The following TRAF3 variants were observed in gnomAD, a reference collection of about 807,000 sequenced individuals.
The protein encoded by TRAF3 is TNF receptor-associated factor 3.
TRAF3 carries 13 observed loss-of-function variants against 62.3 expected under a neutral mutation model. The observed-to-expected ratio is 0.21, with a 90% CI of 0.14 to 0.33. The LOEUF (loss-of-function observed/expected upper bound fraction) is 0.33. Ranked by LOEUF, TRAF3 falls within the 10% of genes least tolerant of loss-of-function variation. The pLI, the probability that TRAF3 is intolerant of heterozygous loss-of-function variation, is 1.00. For missense variants in TRAF3, 440 were observed against 741.8 expected (o/e 0.59, Z 4.73); for synonymous variants, 269 against 283.4 (o/e 0.95, Z 0.51).
chr14:102,890,020 G>A (rs1018845036), intron 8 of TRAF3, among the ~76,000 whole-genome samples: 1 of 152,256 alleles, frequency 6.6e-6, no homozygotes, highest in Non-Finnish European at 1.5e-5. Flanking sequence ...GTGTGTGTCA[G>A]TACACAGCCA....
intron 2 of TRAF3, among the ~76,000 whole-genome samples, chr14:102,837,769 A>T (rs1258378946): frequency 2.0e-5 from 3 of 152,208 alleles, no homozygotes; most frequent in African/African-American, 7.2e-5. Context: ...GCAGGGTTTG[A>T]ATTGACAGTT....
At chr14:102,853,953 G>A (rs1887208102) in intron 2 of TRAF3, among the ~76,000 whole-genome samples, 1 of 151,876 alleles carries the variant, frequency 6.6e-6, no homozygotes. Context: ...TTCTTCGCTT[G>A]CCCCAGCCTC....
intron 2 of TRAF3, among the ~76,000 whole-genome samples, chr14:102,837,243 A>G (rs148360777): frequency 3.2e-4 from 49 of 151,526 alleles, no homozygotes; most frequent in African/African-American, 9.7e-4. Flanking sequence ...GACTTAAGCC[A>G]TCCTCCCGCC....
chr14:102,781,820 T>G (rs1595273546), intron 1 of TRAF3, among the ~76,000 whole-genome samples: 2 of 134,384 alleles, frequency 1.5e-5, no homozygotes, highest in African/African-American at 5.8e-5. Flanking sequence ...TGAGACAGAG[T>G]CTCACTCTGT....
intron 9 of TRAF3, chr14:102,895,070 C>G: frequency 4.4e-6 from 2 of 455,298 alleles, no homozygotes; most frequent in South Asian, 3.1e-5. Context: ...CATCTTTTTG[C>G]AGGGATATGA....
intron 2 of TRAF3, among the ~76,000 whole-genome samples, chr14:102,857,346 C>T (rs1887431645): frequency 6.6e-6 from 1 of 152,190 alleles, no homozygotes; most frequent in Non-Finnish European, 1.5e-5. Flanking sequence ...TTTTCTCTCT[C>T]CGGTCTCCCA....
chr14:102,897,374 T>C lies in TRAF3; in HGVS notation c.933T>C (p.Asn311=), dbSNP rs780127114. Residue 311 remains asparagine, a synonymous_variant, in exon 10 of 12, where the codon AAT becomes AAC. Transcript: ENST00000392745. ...AGAGACAAAAGGAAATGCTTCGAAA[T>C]AATGAATCCAAAATCCTTCATTTAC... The part of the protein sequence containing the change: ...EIERQKEMLR[N]NESKILHLQR... The C allele has an allele frequency of 4.4e-5, 71 of 1,613,984 alleles. No individual in the cohort carries two copies. The South Asian group carries it at 7.2e-4, about 16-fold the overall frequency.
At chr14:102,872,774 C>G (rs974656752) in intron 4 of TRAF3, among the ~76,000 whole-genome samples, 4 of 152,112 alleles carry the variant, frequency 2.6e-5, no homozygotes, top group African/African-American at 9.7e-5. Flanking sequence ...TCGCTGCAGC[C>G]TCCACCTCCC....
intron 2 of TRAF3, among the ~76,000 whole-genome samples, chr14:102,834,699 A>AAAAG (rs1885877983): frequency 1.3e-5 from 2 of 150,540 alleles, no homozygotes; most frequent in African/African-American, 4.9e-5. Context: ...AAAAAAAAAA[A>AAAAG]AAAAAAAAGA....
chr14:102,865,351 G>A (rs1887920251), intron 2 of TRAF3, among the ~76,000 whole-genome samples: 1 of 152,178 alleles, frequency 6.6e-6, no homozygotes, highest in South Asian at 2.1e-4. Context: ...AGCAATGTCT[G>A]TCAATTTGAC....
At chr14:102,834,254 C>T (rs1456055965) in intron 2 of TRAF3, among the ~76,000 whole-genome samples, 1 of 151,990 alleles carries the variant, frequency 6.6e-6, no homozygotes, top group Non-Finnish European at 1.5e-5. Flanking sequence ...AAAGCAGACA[C>T]GAATGGAACA....
At chr14:102,796,457 C>A (rs1347104979) in intron 1 of TRAF3, among the ~76,000 whole-genome samples, 4 of 152,216 alleles carry the variant, frequency 2.6e-5, no homozygotes, top group Non-Finnish European at 5.9e-5. Context: ...CCAAAGAGGG[C>A]TTGTGGGAAC....
intron 2 of TRAF3, 64 bp from the exon 3 acceptor site, chr14:102,870,121 C>G (rs553845317): frequency 6.2e-7 from 1 of 1,611,456 alleles, no homozygotes; most frequent in African/African-American, 1.3e-5. Flanking sequence ...TTTGCTTTCC[C>G]AAAGCTGTGT....
chr14:102,819,071 G>T (rs1899733135), intron 1 of TRAF3, among the ~76,000 whole-genome samples: 2 of 149,728 alleles, frequency 1.3e-5, no homozygotes, highest in Admixed American at 1.3e-4. Flanking sequence ...AAAAAAAAGT[G>T]AAGTTAAAAA....
At chr14:102,881,345 C>G (rs561731368) in intron 6 of TRAF3, among the ~76,000 whole-genome samples, 2 of 150,792 alleles carry the variant, frequency 1.3e-5, no homozygotes, top group African/African-American at 4.9e-5. Context: ...GATTGTGCCA[C>G]TGCACTTCAG....
At chr14:102,840,937 A>G (rs1248413594) in intron 2 of TRAF3, among the ~76,000 whole-genome samples, 3 of 152,352 alleles carry the variant, frequency 2.0e-5, no homozygotes, top group Admixed American at 6.5e-5. Flanking sequence ...ACTTTTTTCT[A>G]TAAAGGGCTG....
chr14:102,787,254 C>T (rs1209750552), intron 1 of TRAF3, among the ~76,000 whole-genome samples: 1 of 152,136 alleles, frequency 6.6e-6, no homozygotes, highest in Admixed American at 6.5e-5. Flanking sequence ...ACTGAAATCA[C>T]AGTATATTTG....
At chr14:102,883,879 T>C (rs183850657) in intron 6 of TRAF3, among the ~76,000 whole-genome samples, 1 of 152,352 alleles carries the variant, frequency 6.6e-6, no homozygotes, top group East Asian at 1.9e-4. Context: ...GCCTGTGCTT[T>C]TCAACTCACA....
chr14:102,805,250 T>G (rs1229712696), intron 1 of TRAF3, among the ~76,000 whole-genome samples: 2 of 152,242 alleles, frequency 1.3e-5, no homozygotes, highest in African/African-American at 2.4e-5. Flanking sequence ...ACTGGATGCT[T>G]CTTTTCTAGT....
Sources: gnomAD v4.1 joint callset for allele counts (sites outside exome capture counted in the v4.1 genomes callset) on GRCh38, gnomAD v4.1.1 for gene constraint, MANE v1.5 for transcripts, NCBI Gene and HGNC (gene_info 2026-07-23, HGNC 2026-07-21) for gene names.